The following ZCCHC7 variants were observed in gnomAD, a reference collection of about 807,000 sequenced individuals.
ZCCHC7 encodes zinc finger CCHC-type containing 7, also known as zinc finger CCHC domain-containing protein 7.
A neutral mutation model predicts 52.0 loss-of-function variants in ZCCHC7; 35 were observed. The observed-to-expected ratio is 0.67, with a 90% CI of 0.51 to 0.89. The LOEUF is 0.89. Among genes scored for constraint, ZCCHC7 ranks in the 40% least tolerant of loss-of-function variants. ZCCHC7 has a pLI of 0.00. For synonymous variants in ZCCHC7, 217 were observed against 221.5 expected (o/e 0.98, Z 0.18); for missense variants, 574 against 649.1 (o/e 0.88, Z 1.26).
chr9:37,351,221 T>C (rs1436976460), intron 7 of ZCCHC7, among the ~76,000 whole-genome samples: 2 of 152,218 alleles, frequency 1.3e-5, no homozygotes, highest in East Asian at 3.9e-4. Context: ...TTTGCTCTGC[T>C]ACTGACTCAA....
intron 2 of ZCCHC7, among the ~76,000 whole-genome samples, chr9:37,278,047 T>TTTTGTTTTGTTTTGTTTTGG (rs1827774039): frequency 6.6e-6 from 1 of 151,744 alleles, no homozygotes; most frequent in African/African-American, 2.4e-5. Context: ...TTTTGTTTTG[T>TTTTGTTTTGTTTTGTTTTGG]TTTGTTTTGT....
rs143638807 is a variant in ZCCHC7 at position 37,254,769 on chromosome 9, T to C, written c.611-47419T>C. ...TTGGATTTTTTCAAATTTTGAGATA[T>C]TTGTGTTATATACTTAAAGTGGAGC... On this transcript the variant is annotated intron_variant, in intron 2 of 8. Coordinates refer to ENST00000336755, the MANE Select transcript of ZCCHC7 (RefSeq NM_032226.3). Among the ~76,000 whole-genome samples the C allele has an allele frequency of 4.2e-3, 630 of 151,778 alleles. 5 individuals carry two copies. The highest frequency in any genetic ancestry group is 0.014 in the African/African-American group (598 of 41,454).
At chr9:37,160,762 G>A (rs763762275) in intron 2 of ZCCHC7, among the ~76,000 whole-genome samples, 4 of 151,154 alleles carry the variant, frequency 2.6e-5, no homozygotes, top group African/African-American at 7.3e-5. Context: ...AGCTGGTGCC[G>A]GTAATCCCAA....
At chr9:37,134,633 G>T (rs1842925276) in intron 2 of ZCCHC7, among the ~76,000 whole-genome samples, 1 of 152,148 alleles carries the variant, frequency 6.6e-6, no homozygotes, top group Admixed American at 6.5e-5. Context: ...TTCCCCTTAT[G>T]AGTAATCATT....
chr9:37,354,820 A>G lies in ZCCHC7; in HGVS notation c.1194A>G (p.Ile398Met), dbSNP rs777207859. 2.5e-6 allele frequency: 4 copies of G among 1,588,880 alleles called. No individual in the cohort carries two copies. The East Asian group carries it at 8.9e-5, about 36-fold the overall frequency. ...QEREKRLKQK[I>M]KVLKKNGVIP... ...GAGAAAAGAGACTAAAACAAAAAAT[A>G]AAAGGTATGTTGCTAGACTTCTTGT... The change falls in exon 8 of 9, where the codon ATA (isoleucine) becomes ATG (methionine). Residue 398 changes from isoleucine to methionine, a missense_variant. Ile to Met is a conservative substitution (Grantham distance 10). Coordinates refer to ENST00000336755, the MANE Select transcript of ZCCHC7 (RefSeq NM_032226.3). The surrounding 1 kb of genome is among the most constrained non-coding windows in gnomAD (Gnocchi z 4.0).
At chr9:37,219,804 G>C (rs540869417) in intron 2 of ZCCHC7, among the ~76,000 whole-genome samples, 1 of 152,182 alleles carries the variant, frequency 6.6e-6, no homozygotes, top group African/African-American at 2.4e-5. Context: ...GAGAAAATCA[G>C]TGTGGCTGGA....
chr9:37,301,903 A>G (rs888727810), intron 2 of ZCCHC7, among the ~76,000 whole-genome samples: 11 of 152,092 alleles, frequency 7.2e-5, no homozygotes, highest in East Asian at 1.9e-4. Context: ...ATGCTTTTCA[A>G]TGTATTTTCA....
intron 2 of ZCCHC7, among the ~76,000 whole-genome samples, chr9:37,210,722 G>T (rs1286586411): frequency 1.3e-5 from 2 of 152,056 alleles, no homozygotes; most frequent in Non-Finnish European, 2.9e-5. Context: ...TATTCCACTG[G>T]TTTCTAAACA....
In ZCCHC7 at chr9:37,357,300, T is replaced by G. The variant is rs1345134790; in HGVS notation, c.*32T>G. On this transcript the variant is annotated 3_prime_UTR_variant, in exon 9 of 9. Transcript: ENST00000336755. ...AGGCAGCCTCTGATGTGGCTTTTCA[T>G]TGTTCATTTGGCCTTTGTGTCTATA... 1 of 1,546,272 alleles carries G rather than the reference T, an allele frequency of 6.5e-7. No individual in the cohort carries two copies. The highest frequency in any genetic ancestry group is 8.7e-7 in the Non-Finnish European group (1 of 1,153,390).
intron 8 of ZCCHC7, 117 bp from the exon 9 acceptor site, chr9:37,356,718 T>C: frequency 1.1e-6 from 1 of 935,956 alleles, no homozygotes; most frequent in Non-Finnish European, 1.6e-6. Context: ...AGTGATGTCA[T>C]ACTGTTAACA....
At chr9:37,160,841 G>A (rs1056860441) in intron 2 of ZCCHC7, among the ~76,000 whole-genome samples, 4 of 152,150 alleles carry the variant, frequency 2.6e-5, no homozygotes, top group Non-Finnish European at 4.4e-5. Flanking sequence ...AACCGAGATC[G>A]TGCCATTGCA....
At chr9:37,203,821 C>T (rs768293120) in intron 2 of ZCCHC7, among the ~76,000 whole-genome samples, 19 of 152,068 alleles carry the variant, frequency 1.2e-4, no homozygotes, top group Non-Finnish European at 8.8e-5. Flanking sequence ...GGGTATATAC[C>T]GAGTAATGGA....
chr9:37,305,647 C>T lies in ZCCHC7; in HGVS notation c.884C>T (p.Ser295Leu). The T allele has an allele frequency of 1.2e-6, 2 of 1,614,130 alleles. No individual in the cohort carries two copies. Among genetic ancestry groups the T allele is most frequent in the Non-Finnish European group, 1.7e-6 (2 of 1,180,002 alleles). Residue 295 changes from serine to leucine, a missense_variant, in exon 5 of 9, where the codon TCA becomes TTA. Ser to Leu is a moderately radical substitution (Grantham distance 145). Transcript: ENST00000336755. ...CCTGTGCCTAAGATGTTGGACCACT[C>T]ATGTCTTTTCAGACATTCCTGGGAT... ...YCPVPKMLDH[S>L]CLFRHSWDKQ...
At chr9:37,308,895 C>T (rs916558654) in intron 5 of ZCCHC7, among the ~76,000 whole-genome samples, 3 of 150,818 alleles carry the variant, frequency 2.0e-5, no homozygotes, top group East Asian at 2.0e-4. Flanking sequence ...GCAGGAGAAT[C>T]GCTTGAACCT....
chr9:37,267,482 C>T (rs138029250), intron 2 of ZCCHC7, among the ~76,000 whole-genome samples: 180 of 152,092 alleles, frequency 1.2e-3, no homozygotes, highest in Non-Finnish European at 2.2e-3. Flanking sequence ...TCACTTCAGC[C>T]TCGACCTCGA....
intron 2 of ZCCHC7, among the ~76,000 whole-genome samples, chr9:37,134,757 C>T (rs547673401): frequency 1.3e-5 from 2 of 152,210 alleles, no homozygotes; most frequent in East Asian, 3.9e-4. Flanking sequence ...CGGAATTTCG[C>T]TCTTGTTGCC....
chr9:37,243,742 C>G (rs1825968405), intron 2 of ZCCHC7, among the ~76,000 whole-genome samples: 1 of 151,806 alleles, frequency 6.6e-6, no homozygotes, highest in Admixed American at 6.6e-5. Context: ...TCCAGACTGC[C>G]AACTGAAACC....
chr9:37,314,749 TAAA>T (rs34853130), intron 5 of ZCCHC7, among the ~76,000 whole-genome samples: 23 of 120,820 alleles, frequency 1.9e-4, no homozygotes, highest in African/African-American at 2.7e-4. Flanking sequence ...CGATCTCTTT[TAAA>T]AAAAAAAAAA....
intron 2 of ZCCHC7, among the ~76,000 whole-genome samples, chr9:37,161,475 T>C (rs1821101454): frequency 6.6e-6 from 1 of 151,750 alleles, no homozygotes; most frequent in Non-Finnish European, 1.5e-5. Context: ...CTCGGGAGGC[T>C]GAGGCAGGAG....
Sources: gnomAD v4.1 joint callset for allele counts (sites outside exome capture counted in the v4.1 genomes callset) on GRCh38, gnomAD v4.1.1 for gene constraint, Gnocchi (gnomAD v3.1) non-coding constraint, MANE v1.5 for transcripts, NCBI Gene and HGNC (gene_info 2026-07-23, HGNC 2026-07-21) for gene names.